The following IQCE variants were observed in gnomAD, a reference collection of about 807,000 sequenced individuals.
IQCE encodes IQ motif containing E, also known as IQ domain-containing protein E.
Under a neutral mutation model 96.0 loss-of-function variants are expected in IQCE, and 115 were observed. The ratio of observed to expected loss-of-function variants is 1.20; its 90% CI spans 1.03 to 1.40. The LOEUF is 1.40. Ranked by LOEUF, IQCE falls within the 40% of genes most tolerant of loss-of-function variation. IQCE has a pLI of 0.00. For missense variants in IQCE, 1,041 were observed against 909.1 expected (o/e 1.15, Z -1.87); for synonymous variants, 412 against 371.2 (o/e 1.11, Z -1.26).
chr7:2,569,004 G>A lies in IQCE; in HGVS notation c.130+5G>A, dbSNP rs1302135260. ...AACCTCCACCCACATCGCCAAGTAA[G>A]TATGACGAGGCCTGCCTTCCCTCTC... is the stretch of plus-strand genomic sequence containing the variant. On this transcript the variant is annotated splice_donor_5th_base_variant and intron_variant, in intron 3 of 21. Transcript: ENST00000402050. 2 of 1,613,650 alleles carry A rather than the reference G, an allele frequency of 1.2e-6. No homozygotes were observed. The highest frequency in any genetic ancestry group is 2.2e-5 in the East Asian group (1 of 44,884).
chr7:2,565,420 C>T (rs904391634), intron 1 of IQCE, among the ~76,000 whole-genome samples: 2 of 152,048 alleles, frequency 1.3e-5, no homozygotes, highest in African/African-American at 2.4e-5. Flanking sequence ...AGAGGGCAGC[C>T]GTTGTGGGTG....
In IQCE at chr7:2,602,592, T is replaced by G. The variant is rs189655799; in HGVS notation, c.1632+1128T>G. 2.4e-3 allele frequency among the ~76,000 whole-genome samples: 367 copies of G among 152,248 alleles called. 1 individual carries two copies. The highest frequency in any genetic ancestry group is 3.9e-3 in the Non-Finnish European group (268 of 68,008). ...ACTCAGCACCCGCTTGTCCTCACACTCCCCAGGTGCATCTGATGTCAGCAG... is the reference window on the plus strand; with the variant it reads ...ACTCAGCACCCGCTTGTCCTCACACGCCCCAGGTGCATCTGATGTCAGCAG... On this transcript the variant is annotated intron_variant, in intron 18 of 21. Transcript: ENST00000402050.
chr7:2,575,203 T>C (rs913999060), intron 6 of IQCE, among the ~76,000 whole-genome samples: 5 of 152,260 alleles, frequency 3.3e-5, no homozygotes, highest in Non-Finnish European at 7.3e-5. Flanking sequence ...CAATCCTGTG[T>C]TGTGGCAGGC....
chr7:2,584,391 G>A, intron 11 of IQCE, 106 bp downstream of exon 11: 1 of 998,854 alleles, frequency 1.0e-6, no homozygotes, highest in Non-Finnish European at 1.6e-6. Flanking sequence ...ACTGCCCTTA[G>A]CTTGGCAGTG....
chr7:2,577,637 G>A (rs1386359370), intron 6 of IQCE, among the ~76,000 whole-genome samples: 1 of 108,730 alleles, frequency 9.2e-6, no homozygotes, highest in Non-Finnish European at 1.8e-5. Flanking sequence ...CGGCGTGCAC[G>A]CATTGGCGTG....
intron 10 of IQCE, among the ~76,000 whole-genome samples, chr7:2,583,960 C>A (rs1262776308): frequency 4.1e-4 from 3 of 7,380 alleles, no homozygotes; most frequent in Non-Finnish European, 8.1e-4. Context: ...GGCGGCGGGG[C>A]GGAGGGCGGG....
intron 18 of IQCE, among the ~76,000 whole-genome samples, chr7:2,603,707 G>A (rs4721866): frequency 0.13 from 19,030 of 152,210 alleles, 1,251 homozygotes; most frequent in Admixed American, 0.16. Flanking sequence ...ACACTCTGGC[G>A]GGTCGTTCAC....
chr7:2,579,959 C>G (rs1782540584), intron 8 of IQCE, among the ~76,000 whole-genome samples: 1 of 151,972 alleles, frequency 6.6e-6, no homozygotes, highest in Non-Finnish European at 1.5e-5. Flanking sequence ...TGCGAAGTTT[C>G]CCAGGCTCAT....
intron 8 of IQCE, among the ~76,000 whole-genome samples, chr7:2,581,291 C>T (rs998615039): frequency 3.9e-5 from 6 of 152,018 alleles, no homozygotes; most frequent in South Asian, 2.1e-4. Flanking sequence ...CTGCACCCTC[C>T]ACTTCCCATG....
chr7:2,578,155 G>C (rs1202862296), intron 6 of IQCE, 87 bp from the exon 7 acceptor site: 25 of 997,110 alleles, frequency 2.5e-5, no homozygotes, highest in African/African-American at 3.6e-5. Context: ...CCGCATTGGC[G>C]TGTGCGTGGC....
rs1463702103 is a variant in IQCE, at chr7:2,611,243, G to A, written c.*1081G>A. The A allele has an allele frequency of 6.6e-6, 1 of 152,434 alleles. No individual in the cohort carries two copies. The highest frequency in any genetic ancestry group is 1.5e-5 in the Non-Finnish European group (1 of 68,236). 9.4% of individuals were successfully genotyped at this position (152,434 alleles called of 1,614,324 possible). ...CAGTGCCCATCTCTTGCTTGTGTGT[G>A]AGATTAGCCCTTGCTGGGGCGTCAA... On this transcript the variant is annotated 3_prime_UTR_variant, in exon 22 of 22. Coordinates refer to ENST00000402050, the MANE Select transcript of IQCE (RefSeq NM_152558.5).
chr7:2,585,030 C>T (rs142302218), intron 11 of IQCE, among the ~76,000 whole-genome samples: 1 of 150,766 alleles, frequency 6.6e-6, no homozygotes, highest in Non-Finnish European at 1.5e-5. Flanking sequence ...AGGGCTCCTG[C>T]GAGCTTCTGC....
chr7:2,559,586 C>G (rs372065876), intron 1 of IQCE: 1 of 162,822 alleles, frequency 6.1e-6, no homozygotes, highest in South Asian at 2.0e-4. Flanking sequence ...CCCAAGCCTT[C>G]GGGGTGGGAG....
At chr7:2,609,682 AG>A (rs1785023202) in intron 21 of IQCE, among the ~76,000 whole-genome samples, 1 of 150,740 alleles carries the variant, frequency 6.6e-6, no homozygotes. Flanking sequence ...GAGGCTGGAG[AG>A]TGAGGCTTTC....
chr7:2,568,974 C>G lies in IQCE; in HGVS notation c.105C>G (p.Phe35Leu). The G allele has an allele frequency of 1.9e-6, 3 of 1,613,834 alleles. No individual in the cohort carries two copies. Among genetic ancestry groups the G allele is most frequent in the Non-Finnish European group, 2.5e-6 (3 of 1,180,016 alleles). The stretch of plus-strand genomic sequence containing the variant: ...TTCAGAAAGCAAAAAGGAAAGCTTT[C>G]CACAAACCTCCACCCACATCGCCAA... ...DVETKAKRKA[F>L]HKPPPTSPKS... Residue 35 changes from phenylalanine (F) to leucine (L), a missense_variant, in exon 3 of 22, where the codon TTC (phenylalanine) becomes TTG (leucine). By Grantham distance (22) the Phe-to-Leu change is conservative. Transcript: ENST00000402050.
chr7:2,583,578 T>C, intron 9 of IQCE, 59 bp from the exon 10 acceptor site: 1 of 1,343,558 alleles, frequency 7.4e-7, no homozygotes. Context: ...ACTCTTCCTC[T>C]TGCTCTGTCC....
intron 1 of IQCE, among the ~76,000 whole-genome samples, chr7:2,562,134 T>C (rs143775144): frequency 9.4e-4 from 143 of 152,178 alleles, no homozygotes; most frequent in African/African-American, 2.7e-3. Context: ...ACCTTCTGTA[T>C]CTTTTGAGAA....
chr7:2,601,032 C>T (rs1482398757), intron 17 of IQCE, among the ~76,000 whole-genome samples: 4 of 152,164 alleles, frequency 2.6e-5, no homozygotes, highest in Admixed American at 6.5e-5. Context: ...CCTCAGCCTC[C>T]GAGTTCTGGG....
At position 2,613,121 on chromosome 7, in the gene IQCE, TTCTC is replaced by T. The variant is rs1216857127; in HGVS notation, c.*2961_*2964del. 11 of 152,236 alleles carry T rather than the reference TTCTC, an allele frequency of 7.2e-5. 1 individual carries two copies. Among genetic ancestry groups the T allele is most frequent in the African/African-American group, 2.7e-4 (11 of 41,452 alleles). The allele number at this position is 152,236 out of a possible 1,614,324, so 9.4% of individuals were successfully genotyped here. A position where few individuals can be genotyped will look rare whatever the true frequency, so the allele number is the denominator to read the frequency against. On this transcript the variant is annotated 3_prime_UTR_variant, in exon 22 of 22. Coordinates refer to ENST00000402050, the MANE Select transcript of IQCE (RefSeq NM_152558.5). ...GTCCAGCTTTAAAATAACACACTCT[TTCTC>T]TATCCCATGCCCTTTAAACAAGCAG...
Sources: gnomAD v4.1 joint callset for allele counts (sites outside exome capture counted in the v4.1 genomes callset) on GRCh38, gnomAD v4.1.1 for gene constraint, MANE v1.5 for transcripts, NCBI Gene and HGNC (gene_info 2026-07-23, HGNC 2026-07-21) for gene names.